Variants in LDB3 observed in about 807,000 individuals in gnomAD.
LDB3 encodes the protein LIM domain-binding protein 3.
Under a neutral mutation model 69.0 loss-of-function variants are expected in LDB3, and 49 were observed. The observed-to-expected ratio is 0.71, with a 90% CI of 0.56 to 0.90. The LOEUF is 0.90. Among genes scored for constraint, LDB3 ranks in the 40% least tolerant of loss-of-function variants. The pLI, the probability that LDB3 is intolerant of heterozygous loss-of-function variation, is 0.00. For missense variants in LDB3, 928 were observed against 974.1 expected (o/e 0.95, Z 0.63); for synonymous variants, 387 against 396.2 (o/e 0.98, Z 0.28).
intron 2 of LDB3, among the ~76,000 whole-genome samples, chr10:86,670,844 G>A (rs1214236654): frequency 6.6e-6 from 1 of 152,230 alleles, no homozygotes; most frequent in Non-Finnish European, 1.5e-5. Flanking sequence ...CCTTCCCCAG[G>A]GCTCGGAGCC....
upstream of LDB3, among the ~76,000 whole-genome samples, chr10:86,667,864 C>T (rs1844240782): frequency 6.6e-6 from 1 of 152,230 alleles, no homozygotes. Flanking sequence ...AGCCCATTAT[C>T]TGGCATGCAT....
chr10:86,710,971 G>A (rs757059555), intron 9 of LDB3, among the ~76,000 whole-genome samples: 3 of 152,344 alleles, frequency 2.0e-5, no homozygotes, highest in Non-Finnish European at 4.4e-5. Context: ...CACGGGAGGT[G>A]CCCTTCTCTG....
Position 86,716,491 on chromosome 10 carries a change from G to T in LDB3, c.1396G>T (p.Ala466Ser). ...AGCACCAGCCTATACCCCCTCACCTGCCCCCAACTATAACCCTGCACCCTC... is the reference window on the plus strand; with the variant it reads ...AGCACCAGCCTATACCCCCTCACCTTCCCCCAACTATAACCCTGCACCCTC... ...SPAPAYTPSP[A>S]PNYNPAPSVA... is the part of the protein sequence containing the mutation. The change falls in exon 10 of 14, where the codon GCC becomes TCC. Residue 466 changes from alanine (A) to serine (S), a missense_variant. Physicochemically the swap from Ala to Ser is moderately conservative, Grantham distance 99. Transcript: ENST00000361373. 1 of 1,598,930 alleles carries T rather than the reference G, an allele frequency of 6.3e-7. No homozygotes were observed. The highest frequency in any genetic ancestry group is 8.5e-7 in the Non-Finnish European group (1 of 1,173,200).
intron 2 of LDB3, among the ~76,000 whole-genome samples, chr10:86,675,780 G>A (rs114150874): frequency 9.3e-4 from 142 of 152,336 alleles, no homozygotes; most frequent in African/African-American, 3.3e-3. Flanking sequence ...CCATGGTGGC[G>A]GGTGTTCAGG....
In LDB3 at chr10:86,680,164, G is replaced by A; in HGVS notation, c.321+7G>A. Reference sequence around the variant, plus strand: ...GGTGATCCCTCACCAGAAGGTAGGTGCTGACTGTGGCGGCGGGGTCCACTC... The same window carrying A: ...GGTGATCCCTCACCAGAAGGTAGGTACTGACTGTGGCGGCGGGGTCCACTC... On this transcript the variant is annotated splice_region_variant and intron_variant, in intron 4 of 13. Transcript: ENST00000361373. 1.2e-6 allele frequency: 2 copies of A among 1,613,340 alleles called. No individual in the cohort carries two copies. The highest frequency in any genetic ancestry group is 1.1e-5 in the South Asian group (1 of 91,040).
Position 86,726,138 on chromosome 10 carries a change from C to T in LDB3, c.1980C>T (p.Asp660=), listed in dbSNP as rs1455255092. 1 of 1,612,626 alleles carries T rather than the reference C, an allele frequency of 6.2e-7. No homozygotes were observed. Among genetic ancestry groups the T allele is most frequent in the East Asian group, 2.2e-5 (1 of 44,872 alleles). ...TCTTCACTCTGCTTTTCATTTCAGA[C>T]TACATCAATCTGTTCAGCACCAAGT... The part of the protein sequence containing the change: ...MEDGEPYCEK[D]YINLFSTKCH... Residue 660 remains aspartate, a splice_region_variant and synonymous_variant, in exon 13 of 14, where the codon GAC becomes GAT. Coordinates refer to ENST00000361373, the MANE Select transcript of LDB3 (RefSeq NM_007078.3).
chr10:86,681,801 AG>A lies in LDB3; in HGVS notation c.689+1del. 1 of 1,592,602 alleles carries A rather than the reference AG, an allele frequency of 6.3e-7. No individual in the cohort carries two copies. The highest frequency in any genetic ancestry group is 1.8e-5 in the Admixed American group (1 of 56,998). ...GKASGVGLPGGSLPIKDLAVD... is the reference protein window; with the variant it reads ...GKASGVGLPGXSLPIKDLAVD... ...AGGCCTCGGGTGTCGGACTCCCAGG[AG>A]GGTAGGTAACGGACATACAGCTCTC... is the stretch of plus-strand genomic sequence containing the variant. On this transcript the variant is annotated frameshift_variant and splice_region_variant, in exon 5 of 14. Coordinates refer to ENST00000361373, the MANE Select transcript of LDB3 (RefSeq NM_007078.3). LOFTEE classifies it high-confidence loss of function.
At chr10:86,714,901 A>G (rs888350745) in intron 9 of LDB3, among the ~76,000 whole-genome samples, 1 of 152,174 alleles carries the variant, frequency 6.6e-6, no homozygotes, top group African/African-American at 2.4e-5. Flanking sequence ...GCTCCAGGGC[A>G]GGGCTGTGGA....
In LDB3 at chr10:86,725,963, T is replaced by G. The variant is rs7092188; in HGVS notation, c.1979-174T>G. ...CTGGGTCTGAACAACATCAATGCAA[T>G]GATTGGAAAATGGAAAACTATCAGT... On this transcript the variant is annotated intron_variant, in intron 12 of 13. Coordinates refer to ENST00000361373, the MANE Select transcript of LDB3 (RefSeq NM_007078.3). 0.069 allele frequency among the ~76,000 whole-genome samples: 10,502 copies of G among 152,158 alleles called. 1,007 individuals carry two copies. The highest frequency in any genetic ancestry group is 0.21 in the African/African-American group (8,812 of 41,480).
At chr10:86,683,552 G>A (rs1845279819) in intron 5 of LDB3, among the ~76,000 whole-genome samples, 1 of 152,202 alleles carries the variant, frequency 6.6e-6, no homozygotes, top group Admixed American at 6.5e-5. Flanking sequence ...GTCGGTGCAG[G>A]GGCTGCCCAG....
At chr10:86,719,437 A>G (rs1044494922) in intron 12 of LDB3, among the ~76,000 whole-genome samples, 1 of 151,816 alleles carries the variant, frequency 6.6e-6, no homozygotes, top group Non-Finnish European at 1.5e-5. Context: ...TCTTATGACC[A>G]CTGGGAAACC....
intron 2 of LDB3, among the ~76,000 whole-genome samples, chr10:86,672,526 G>A (rs1034205953): frequency 5.3e-5 from 8 of 152,232 alleles, no homozygotes; most frequent in Non-Finnish European, 8.8e-5. Flanking sequence ...GCTGTTTCTT[G>A]GGCAGCTCTT....
chr10:86,699,717 T>C lies in LDB3; in HGVS notation c.897-6814T>C, dbSNP rs1476907053. ...CATAACACCCCAGAACCAAGGGAAATGGATGGGCCGCTGCTCAGTTTCCCA... is the reference window on the plus strand; with the variant it reads ...CATAACACCCCAGAACCAAGGGAAACGGATGGGCCGCTGCTCAGTTTCCCA... On this transcript the variant is annotated intron_variant, in intron 7 of 13. Coordinates refer to ENST00000361373, the MANE Select transcript of LDB3 (RefSeq NM_007078.3). This position sits in a 1 kb window ranked among gnomAD's most constrained non-coding sequence, Gnocchi z 4.9. 1 of 1,152,066 alleles carries C rather than the reference T, an allele frequency of 8.7e-7. No individual in the cohort carries two copies. Among genetic ancestry groups the C allele is most frequent in the Non-Finnish European group, 1.1e-6 (1 of 926,474 alleles). The allele number at this position is 1,152,066 out of a possible 1,614,324, so 71.4% of individuals were successfully genotyped here.
intron 2 of LDB3, among the ~76,000 whole-genome samples, chr10:86,676,564 CA>C (rs71487272): frequency 8.4e-4 from 92 of 109,740 alleles, no homozygotes; most frequent in Non-Finnish European, 1.1e-3. Flanking sequence ...GACCCTGTCT[CA>C]AAAAAAAAAA....
At chr10:86,704,137 A>G (rs936715421) in intron 7 of LDB3, among the ~76,000 whole-genome samples, 8 of 151,940 alleles carry the variant, frequency 5.3e-5, no homozygotes, top group African/African-American at 9.7e-5. Context: ...GAAAAAAAAA[A>G]AAAGAAAGAA....
At chr10:86,669,348 C>A (rs1844334301) in intron 2 of LDB3, among the ~76,000 whole-genome samples, 1 of 152,214 alleles carries the variant, frequency 6.6e-6, no homozygotes, top group Non-Finnish European at 1.5e-5. Flanking sequence ...GGGCTGGGCG[C>A]TTCTCCCCAT....
chr10:86,724,944 G>C (rs1341217107), intron 12 of LDB3, among the ~76,000 whole-genome samples: 3 of 152,222 alleles, frequency 2.0e-5, no homozygotes, highest in Non-Finnish European at 4.4e-5. Context: ...TTTCTTAATA[G>C]AGTTGGGATT....
intron 2 of LDB3, 59 bp from the exon 3 acceptor site, chr10:86,679,308 T>C: frequency 6.2e-7 from 1 of 1,601,982 alleles, no homozygotes; most frequent in Non-Finnish European, 8.6e-7. Flanking sequence ...CCCCAAGGAC[T>C]GGCCTTTCCT....
intron 5 of LDB3, chr10:86,685,640 T>C: frequency 6.2e-7 from 1 of 1,613,310 alleles, no homozygotes; most frequent in Non-Finnish European, 8.5e-7. Context: ...GGAGCCTCTC[T>C]CTGACCACCC....
Sources: gnomAD v4.1 joint callset for allele counts (sites outside exome capture counted in the v4.1 genomes callset) on GRCh38, gnomAD v4.1.1 for gene constraint, Gnocchi (gnomAD v3.1) non-coding constraint, MANE v1.5 for transcripts, NCBI Gene and HGNC (gene_info 2026-07-23, HGNC 2026-07-21) for gene names.